Variants in CLDN16 observed in about 807,000 individuals in gnomAD.
The protein encoded by CLDN16 is claudin-16.
CLDN16 carries 13 observed loss-of-function variants against 24.6 expected under a neutral mutation model. The ratio of observed to expected loss-of-function variants is 0.53; its 90% CI spans 0.34 to 0.84. The LOEUF is 0.84. Among genes scored for constraint, CLDN16 ranks in the 40% least tolerant of loss-of-function variants. The probability of loss-of-function intolerance (pLI) is 0.01; values close to 1 mark genes in which losing one functional copy is unlikely to be tolerated. For missense variants in CLDN16, 298 were observed against 292.7 expected (o/e 1.02, Z -0.13); for synonymous variants, 116 against 106.7 (o/e 1.09, Z -0.54).
At chr3:190,392,059 CTTTTTTT>C (rs35220103) in intron 1 of CLDN16, among the ~76,000 whole-genome samples, 14 of 126,078 alleles carry the variant, frequency 1.1e-4, no homozygotes, top group African/African-American at 4.0e-4. Flanking sequence ...CCTTTTCAGT[CTTTTTTT>C]TTTTTTTTTT....
exon 1 of CLDN16, chr3:190,322,544 AGGGCGCCG>A: frequency 3.1e-6 from 1 of 322,770 alleles, no homozygotes. Flanking sequence ...GCTCACCGAG[AGGGCGCCG>A]GGAGCGCCCG....
intron 1 of CLDN16, among the ~76,000 whole-genome samples, chr3:190,341,427 A>C (rs2108629563): frequency 6.6e-6 from 1 of 152,276 alleles, no homozygotes; most frequent in Middle Eastern, 3.4e-3. Context: ...CACCCTCTGA[A>C]GTCATGGCCT....
chr3:190,335,989 A>G (rs900829427), intron 1 of CLDN16, among the ~76,000 whole-genome samples: 2 of 152,138 alleles, frequency 1.3e-5, no homozygotes, highest in Non-Finnish European at 2.9e-5. Flanking sequence ...CAATTGCTAA[A>G]GTGTTGGAGA....
intron 3 of CLDN16, 100 bp downstream of exon 3, chr3:190,405,026 A>T: frequency 8.3e-7 from 1 of 1,197,948 alleles, no homozygotes; most frequent in Non-Finnish European, 1.2e-6. Flanking sequence ...TTCGGATTAT[A>T]TGTGGCTTCC....
chr3:190,297,506 A>AT, the CLDN16 span, among the ~76,000 whole-genome samples: 1 of 142,554 alleles, frequency 7.0e-6, no homozygotes. Context: ...ATTTATATCT[A>AT]TATATAGATA....
chr3:190,328,687 A>C (rs1046172509), intron 1 of CLDN16, among the ~76,000 whole-genome samples: 4 of 152,004 alleles, frequency 2.6e-5, no homozygotes, highest in Admixed American at 6.6e-5. Context: ...AAAAAAAAAA[A>C]CAAGATTTTA....
At chr3:190,378,247 C>A (rs1029496412) in intron 3 of CLDN16, among the ~76,000 whole-genome samples, 8 of 151,886 alleles carry the variant, frequency 5.3e-5, no homozygotes, top group African/African-American at 1.7e-4. Flanking sequence ...TACAAGAAGA[C>A]AGCAATTGAG....
chr3:190,387,487 G>T (rs1197013271), upstream of CLDN16, among the ~76,000 whole-genome samples: 3 of 152,016 alleles, frequency 2.0e-5, no homozygotes, highest in Non-Finnish European at 4.4e-5. Flanking sequence ...TATTCTAAGC[G>T]ACTTACAGGC....
At chr3:190,324,698 A>G (rs1717021430) in intron 1 of CLDN16, among the ~76,000 whole-genome samples, 1 of 151,954 alleles carries the variant, frequency 6.6e-6, no homozygotes, top group Non-Finnish European at 1.5e-5. Flanking sequence ...ACTACCCACA[A>G]CCATGTTTGT....
chr3:190,370,840 T>C (rs925583190), intron 1 of CLDN16: 3 of 151,654 alleles, frequency 2.0e-5, no homozygotes, highest in Non-Finnish European at 4.4e-5. Context: ...CAGAAAAATA[T>C]GAAAAGGCTA....
chr3:190,368,497 G>A (rs138501683), intron 1 of CLDN16, among the ~76,000 whole-genome samples: 14 of 152,066 alleles, frequency 9.2e-5, no homozygotes, highest in African/African-American at 3.4e-4. Context: ...CTAAGTTTTG[G>A]GGGTAATTTG....
chr3:190,340,685 C>T lies in CLDN16; in HGVS notation n.121+18024C>T, dbSNP rs111575326. ...CATTTCAAAACCAATCATGCCTTCC[C>T]AACAGTCCCCCAACATCTTAACTCA... On this transcript the variant is annotated intron_variant and non_coding_transcript_variant, in intron 1 of 4. Coordinates refer to the CLDN16 transcript ENST00000468220. 8.6e-3 allele frequency among the ~76,000 whole-genome samples: 1,303 copies of T among 152,230 alleles called. 10 individuals are homozygous for T. Among genetic ancestry groups the T allele is most frequent in the Admixed American group, 0.014 (209 of 15,288 alleles).
chr3:190,322,435 G>A (rs921753002), upstream of CLDN16: 2 of 583,330 alleles, frequency 3.4e-6, no homozygotes, highest in African/African-American at 1.9e-5. Flanking sequence ...TCCCAGGCTC[G>A]GGAACTGAGA....
intron 1 of CLDN16, among the ~76,000 whole-genome samples, chr3:190,363,598 T>TATATA (rs1560088078): frequency 1.8e-5 from 1 of 55,098 alleles, no homozygotes; most frequent in African/African-American, 5.9e-5. Context: ...ATATATATAT[T>TATATA]TTCTTTCTCC....
intron 3 of CLDN16, among the ~76,000 whole-genome samples, chr3:190,382,301 A>G (rs1451566415): frequency 3.9e-5 from 6 of 152,120 alleles, no homozygotes; most frequent in African/African-American, 1.2e-4. Flanking sequence ...CAGGTGAAGT[A>G]AGTTACAGAA....
At chr3:190,292,542 CCTTATTA>C in the CLDN16 span, among the ~76,000 whole-genome samples, 1 of 152,162 alleles carries the variant, frequency 6.6e-6, no homozygotes, top group Admixed American at 6.5e-5. Context: ...ATGTTTGGCT[CCTTATTA>C]CTTATGCAAA....
At chr3:190,391,646 A>T (rs56131966) in intron 1 of CLDN16, among the ~76,000 whole-genome samples, 28,323 of 152,134 alleles carry the variant, frequency 0.19, 3,064 homozygotes, top group Middle Eastern at 0.29. Context: ...AAGTGCAAAG[A>T]GAGGAGAAGC....
chr3:190,292,105 G>T, the CLDN16 span, among the ~76,000 whole-genome samples: 90 of 152,140 alleles, frequency 5.9e-4, no homozygotes, highest in Admixed American at 1.4e-3. Context: ...TCTGTGTGGG[G>T]CCTCCAACCC....
chr3:190,373,834 T>C (rs1718191306), intron 2 of CLDN16, among the ~76,000 whole-genome samples: 1 of 84,308 alleles, frequency 1.2e-5, no homozygotes, highest in Non-Finnish European at 2.4e-5. Context: ...GCCTATAATG[T>C]GCCCATATTA....
Sources: gnomAD v4.1 joint callset for allele counts (sites outside exome capture counted in the v4.1 genomes callset) on GRCh38, gnomAD v4.1.1 for gene constraint, MANE v1.5 for transcripts, NCBI Gene and HGNC (gene_info 2026-07-23, HGNC 2026-07-21) for gene names.